Variants in SHANK2 observed in about 807,000 individuals in gnomAD.
The protein encoded by SHANK2 is SH3 and multiple ankyrin repeat domains 2.
A neutral mutation model predicts 133.7 loss-of-function variants in SHANK2; 43 were observed. The observed-to-expected ratio is 0.32, with a 90% CI of 0.25 to 0.41. SHANK2 has a LOEUF of 0.41. Among genes scored for constraint, SHANK2 ranks in the 10% least tolerant of loss-of-function variants. The probability of loss-of-function intolerance (pLI) is 1.00; values close to 1 mark genes in which losing one functional copy is unlikely to be tolerated. For synonymous variants in SHANK2, 1,017 were observed against 952.8 expected (o/e 1.07, Z -1.24); for missense variants, 1,994 against 2,235.8 (o/e 0.89, Z 2.18).
intron 17 of SHANK2, among the ~76,000 whole-genome samples, chr11:70,653,141 T>C (rs568928661): frequency 1.3e-5 from 2 of 151,816 alleles, no homozygotes; most frequent in East Asian, 3.9e-4. Context: ...CCCGGCTAAT[T>C]TTTTTGTATT....
At chr11:70,629,031 C>T (rs568177875) in intron 17 of SHANK2, among the ~76,000 whole-genome samples, 28 of 152,324 alleles carry the variant, frequency 1.8e-4, no homozygotes, top group Admixed American at 7.8e-4. Context: ...GGGAGGGAAA[C>T]GCCAACACTT....
At chr11:70,633,364 G>A (rs188631108) in intron 17 of SHANK2, among the ~76,000 whole-genome samples, 55 of 151,808 alleles carry the variant, frequency 3.6e-4, no homozygotes, top group African/African-American at 1.3e-3. Flanking sequence ...GACCAGGGCA[G>A]AGAAGACACA....
intron 14 of SHANK2, among the ~76,000 whole-genome samples, chr11:70,781,580 A>ATATATATATATATATT (rs34035945): frequency 3.2e-5 from 4 of 126,296 alleles, no homozygotes; most frequent in African/African-American, 1.2e-4. Context: ...ATATATATAT[A>ATATATATATATATATT]TATTTACTTA....
intron 17 of SHANK2, among the ~76,000 whole-genome samples, chr11:70,611,612 C>T (rs2136388348): frequency 6.6e-6 from 1 of 152,326 alleles, no homozygotes; most frequent in Middle Eastern, 3.4e-3. Context: ...ATTTATCATT[C>T]CATTCTTTAT....
intron 10 of SHANK2, among the ~76,000 whole-genome samples, chr11:70,908,718 A>G (rs1207727129): frequency 5.3e-5 from 8 of 152,190 alleles, no homozygotes; most frequent in African/African-American, 1.9e-4. Flanking sequence ...GACTGTAATT[A>G]CAAGGGAAAT....
At chr11:70,586,538 C>T (rs1009189854) in intron 17 of SHANK2, among the ~76,000 whole-genome samples, 3 of 152,196 alleles carry the variant, frequency 2.0e-5, no homozygotes, top group Non-Finnish European at 4.4e-5. Flanking sequence ...TCACAGAGAC[C>T]TCGGAAGCTA....
intron 2 of SHANK2, among the ~76,000 whole-genome samples, chr11:71,168,443 A>C (rs1953234041): frequency 6.6e-6 from 1 of 151,958 alleles, no homozygotes; most frequent in Non-Finnish European, 1.5e-5. Flanking sequence ...CAGAGGCTGC[A>C]ATCTCGGCAC....
At position 70,739,982 on chromosome 11, in the gene SHANK2, T is replaced by A. The variant is rs1320001820; in HGVS notation, c.1778-41219A>T. 2.0e-5 allele frequency among the ~76,000 whole-genome samples: 3 copies of A among 152,190 alleles called. No homozygotes were observed. The highest frequency in any genetic ancestry group is 4.4e-5 in the Non-Finnish European group (3 of 68,034). On this transcript the variant is annotated intron_variant, in intron 14 of 25. Coordinates refer to ENST00000601538, the MANE Select transcript of SHANK2 (RefSeq NM_012309.5). The surrounding 1 kb of genome is among the most constrained non-coding windows in gnomAD (Gnocchi z 4.3). ...TTGGCTCCTTCGCCATCAGGAGACC[T>A]TGGACAGTCACACGACCCAGACCAG...
At chr11:70,606,253 T>C (rs992622959) in intron 17 of SHANK2, among the ~76,000 whole-genome samples, 1 of 152,124 alleles carries the variant, frequency 6.6e-6, no homozygotes, top group African/African-American at 2.4e-5. Context: ...CTACTCACTC[T>C]TTAAAGATCC....
chr11:70,818,774 A>G (rs1948456459), intron 12 of SHANK2, among the ~76,000 whole-genome samples: 2 of 152,218 alleles, frequency 1.3e-5, no homozygotes. Flanking sequence ...TAAGAGGATC[A>G]GGCCTCGACC....
chr11:70,623,360 A>G (rs782674001), intron 17 of SHANK2, among the ~76,000 whole-genome samples: 29 of 152,134 alleles, frequency 1.9e-4, no homozygotes, highest in Non-Finnish European at 2.5e-4. Flanking sequence ...CTGCACAGCT[A>G]TTGCTTATGC....
At chr11:71,230,799 G>T (rs782405708) in intron 1 of SHANK2, among the ~76,000 whole-genome samples, 2 of 152,192 alleles carry the variant, frequency 1.3e-5, no homozygotes, top group African/African-American at 4.8e-5. Flanking sequence ...GCTGATGAAG[G>T]TGCAAAAGCC....
At chr11:70,779,931 A>G (rs1437478550) in intron 14 of SHANK2, among the ~76,000 whole-genome samples, 1 of 137,706 alleles carries the variant, frequency 7.3e-6, no homozygotes, top group East Asian at 2.3e-4. Context: ...GGGCATGGAC[A>G]TCATTCAGGT....
chr11:71,082,946 C>G (rs1383985428), intron 8 of SHANK2, among the ~76,000 whole-genome samples: 1 of 145,464 alleles, frequency 6.9e-6, no homozygotes, highest in Non-Finnish European at 1.5e-5. Flanking sequence ...AACGCCCGCC[C>G]CCCCCCCAAC....
At chr11:70,554,274 A>AG (rs782735146) in intron 17 of SHANK2, among the ~76,000 whole-genome samples, 2 of 152,174 alleles carry the variant, frequency 1.3e-5, no homozygotes, top group African/African-American at 2.4e-5. Flanking sequence ...TGAGCCCCCA[A>AG]GGGGGTCCAG....
At chr11:70,913,394 T>C (rs2135732736) in intron 10 of SHANK2, among the ~76,000 whole-genome samples, 1 of 152,146 alleles carries the variant, frequency 6.6e-6, no homozygotes, top group East Asian at 1.9e-4. Context: ...AACATAAAAT[T>C]GCATTTCAAT....
intron 14 of SHANK2, among the ~76,000 whole-genome samples, chr11:70,769,036 C>T (rs972156240): frequency 4.6e-5 from 7 of 152,170 alleles, no homozygotes; most frequent in Admixed American, 2.0e-4. Context: ...GGTCTGTCCA[C>T]GCTAGGCCAC....
chr11:71,059,480 G>C (rs1950961790), intron 9 of SHANK2, among the ~76,000 whole-genome samples: 1 of 152,158 alleles, frequency 6.6e-6, no homozygotes, highest in Admixed American at 6.5e-5. Context: ...TGAACTGTAT[G>C]GTGTGTGAAT....
chr11:70,538,932 A>G (rs7113016), intron 17 of SHANK2, among the ~76,000 whole-genome samples: 40,630 of 152,146 alleles, frequency 0.27, 6,139 homozygotes, highest in East Asian at 0.61. Context: ...TGCAGCCTAG[A>G]AGAGGACGTG....
Sources: allele counts gnomAD v4.1 joint callset (sites outside exome capture counted in the v4.1 genomes callset), GRCh38; gene constraint gnomAD v4.1.1; non-coding constraint Gnocchi (gnomAD v3.1); transcripts MANE v1.5; gene names NCBI Gene and HGNC (gene_info 2026-07-23, HGNC 2026-07-21).